The following GALNTL6 variants were observed in gnomAD, a reference collection of about 807,000 sequenced individuals.
GALNTL6 encodes polypeptide N-acetylgalactosaminyltransferase like 6.
GALNTL6 carries 46 observed loss-of-function variants against 73.7 expected under a neutral mutation model. The ratio of observed to expected loss-of-function variants is 0.62; its 90% confidence interval spans 0.49 to 0.80. The LOEUF (loss-of-function observed/expected upper bound fraction) is 0.80, where lower values mean the gene tolerates loss of function less well. GALNTL6 is among the 30% of genes least tolerant of loss of function. The pLI, the probability that GALNTL6 is intolerant of heterozygous loss-of-function variation, is 0.00. For missense variants in GALNTL6, 604 were observed against 755.0 expected (o/e 0.80, Z 2.34); for synonymous variants, 259 against 263.7 (o/e 0.98, Z 0.17).
chr4:171,904,604 G>A (rs1321932867), intron 2 of GALNTL6, among the ~76,000 whole-genome samples: 7 of 152,258 alleles, frequency 4.6e-5, no homozygotes, highest in African/African-American at 1.7e-4. Flanking sequence ...CCCCAATCTA[G>A]CAAGGCAGGC....
chr4:172,066,969 A>G (rs1731383435), intron 2 of GALNTL6, among the ~76,000 whole-genome samples: 1 of 152,036 alleles, frequency 6.6e-6, no homozygotes, highest in Non-Finnish European at 1.5e-5. Flanking sequence ...TGGGCTATCC[A>G]TGAACGTGTG....
intron 8 of GALNTL6, among the ~76,000 whole-genome samples, chr4:172,912,279 C>G (rs1417567643): frequency 6.6e-6 from 1 of 152,184 alleles, no homozygotes; most frequent in Non-Finnish European, 1.5e-5. Context: ...AGGAACAGCT[C>G]CAGTCTACAG....
intron 5 of GALNTL6, among the ~76,000 whole-genome samples, chr4:172,706,199 AGATCACTG>A (rs1734342435): frequency 6.6e-6 from 1 of 151,692 alleles, no homozygotes; most frequent in Admixed American, 6.6e-5. Context: ...CCTATTTTCC[AGATCACTG>A]GTTATTTCTT....
At chr4:171,899,945 G>A (rs17057559) in intron 2 of GALNTL6, among the ~76,000 whole-genome samples, 7 of 152,240 alleles carry the variant, frequency 4.6e-5, no homozygotes, top group African/African-American at 1.7e-4. Context: ...CATTTGGTAA[G>A]TCAAGACCTC....
chr4:172,028,385 AG>A (rs1165174371), intron 2 of GALNTL6, among the ~76,000 whole-genome samples: 1 of 152,090 alleles, frequency 6.6e-6, no homozygotes, highest in African/African-American at 2.4e-5. Context: ...GTTACCTTTG[AG>A]AAAAGAATTG....
chr4:171,840,407 G>C (rs771646852), intron 2 of GALNTL6, among the ~76,000 whole-genome samples: 1 of 152,152 alleles, frequency 6.6e-6, no homozygotes, highest in Non-Finnish European at 1.5e-5. Flanking sequence ...GTGGGCACTT[G>C]TGTTACTCGG....
intron 5 of GALNTL6, among the ~76,000 whole-genome samples, chr4:172,439,912 C>T (rs533449749): frequency 1.3e-5 from 2 of 152,148 alleles, no homozygotes; most frequent in South Asian, 2.1e-4. Context: ...CACGAACCTA[C>T]ATTGGCAAAT....
intron 2 of GALNTL6, among the ~76,000 whole-genome samples, chr4:172,089,725 A>G (rs1732145838): frequency 6.6e-6 from 1 of 152,174 alleles, no homozygotes. Flanking sequence ...ATTATACTTT[A>G]AGTTCTGGGT....
intron 2 of GALNTL6, among the ~76,000 whole-genome samples, chr4:171,941,661 T>C (rs1235155437): frequency 6.6e-6 from 1 of 152,028 alleles, no homozygotes; most frequent in Non-Finnish European, 1.5e-5. Flanking sequence ...TGGCAGGTTT[T>C]CCTACCTTTG....
At chr4:171,983,164 T>C (rs758267009) in intron 2 of GALNTL6, among the ~76,000 whole-genome samples, 4 of 152,200 alleles carry the variant, frequency 2.6e-5, no homozygotes, top group Non-Finnish European at 4.4e-5. Context: ...CCTGCCTTAG[T>C]CACGTTTTGG....
In GALNTL6 at chr4:172,313,662, T is replaced by C. The variant is rs1246168422; in HGVS notation, c.386+1910T>C. On this transcript the variant is annotated intron_variant, in intron 4 of 12. Coordinates refer to ENST00000506823, the MANE Select transcript of GALNTL6 (RefSeq NM_001034845.3). Reference sequence around the variant, plus strand: ...TTTATTAGGGTTACTCAATTTACAATATGAAGAAAGCATTATTATAAATGT... The same window carrying C: ...TTTATTAGGGTTACTCAATTTACAACATGAAGAAAGCATTATTATAAATGT... 2.0e-5 allele frequency among the ~76,000 whole-genome samples: 3 copies of C among 152,140 alleles called. No homozygotes were observed. The East Asian group carries it at 5.8e-4, about 29-fold the overall frequency.
At chr4:172,850,102 A>G (rs1743736096) in intron 7 of GALNTL6, among the ~76,000 whole-genome samples, 1 of 152,184 alleles carries the variant, frequency 6.6e-6, no homozygotes, top group African/African-American at 2.4e-5. Context: ...AGAAGATGAA[A>G]AGAATGAGGG....
intron 2 of GALNTL6, among the ~76,000 whole-genome samples, chr4:171,980,679 G>A (rs772963682): frequency 6.6e-6 from 1 of 152,128 alleles, no homozygotes; most frequent in African/African-American, 2.4e-5. Context: ...GTTCTTGTTC[G>A]TCGAAGTACC....
intron 4 of GALNTL6, among the ~76,000 whole-genome samples, chr4:172,334,650 A>G (rs868050788): frequency 4.6e-5 from 7 of 152,210 alleles, no homozygotes; most frequent in Admixed American, 1.3e-4. Context: ...TTTTCTAGAC[A>G]TGTAATCATG....
intron 5 of GALNTL6, among the ~76,000 whole-genome samples, chr4:172,733,895 C>T (rs527427118): frequency 8.5e-5 from 13 of 152,178 alleles, no homozygotes; most frequent in East Asian, 5.8e-4. Context: ...AATGTGGAAG[C>T]GACTTAGAAA....
At chr4:172,680,246 G>A (rs1474603648) in intron 5 of GALNTL6, among the ~76,000 whole-genome samples, 2 of 152,016 alleles carry the variant, frequency 1.3e-5, no homozygotes, top group Non-Finnish European at 2.9e-5. Flanking sequence ...TAAAAAACTA[G>A]GTCATAGGGA....
intron 2 of GALNTL6, among the ~76,000 whole-genome samples, chr4:171,910,130 G>A (rs1466507346): frequency 6.6e-6 from 1 of 151,964 alleles, no homozygotes; most frequent in Non-Finnish European, 1.5e-5. Context: ...AAGCTTTTTA[G>A]TAATCTACTG....
intron 5 of GALNTL6, among the ~76,000 whole-genome samples, chr4:172,522,507 C>A (rs547873747): frequency 4.6e-5 from 7 of 152,174 alleles, no homozygotes; most frequent in African/African-American, 1.7e-4. Context: ...CCTGTCTCTA[C>A]TAAAAATACA....
intron 10 of GALNTL6, among the ~76,000 whole-genome samples, chr4:172,996,633 T>A (rs1046439274): frequency 3.9e-5 from 6 of 152,196 alleles, no homozygotes. Flanking sequence ...TTGTTCCATA[T>A]GCTCTGTTTA....
Sources: gnomAD v4.1 joint callset for allele counts (sites outside exome capture counted in the v4.1 genomes callset) on GRCh38, gnomAD v4.1.1 for gene constraint, MANE v1.5 for transcripts, NCBI Gene and HGNC (gene_info 2026-07-23, HGNC 2026-07-21) for gene names.